Variants in TMIGD1 observed in about 807,000 individuals in gnomAD.
TMIGD1 encodes transmembrane and immunoglobulin domain-containing protein 1.
Under a neutral mutation model 27.5 loss-of-function variants are expected in TMIGD1, and 29 were observed. That is an observed-to-expected ratio of 1.05 (90% confidence interval 0.78 to 1.44). The LOEUF (loss-of-function observed/expected upper bound fraction) is 1.44. Ranked by LOEUF, TMIGD1 falls within the 40% of genes most tolerant of loss-of-function variation. TMIGD1 has a pLI of 0.00. For synonymous variants in TMIGD1, 109 were observed against 110.3 expected (o/e 0.99, Z 0.07); for missense variants, 334 against 310.6 (o/e 1.08, Z -0.57).
At position 30,329,330 on chromosome 17, in the gene TMIGD1, T is replaced by A; in HGVS notation, c.282A>T (p.Glu94Asp). ...AGGTAAAGCTGATTCCGTTGTCATT[T>A]TCACTGATGGAAGAGACACAGACAG... ...SSSVCVSSIS[E>D]NDNGISFTCR... Residue 94 changes from glutamate to aspartate, a missense_variant, in exon 3 of 7, where the codon GAA (glutamate) becomes GAT (aspartate). Physicochemically the swap from Glu to Asp is conservative, Grantham distance 45. Coordinates refer to ENST00000328886, the MANE Select transcript of TMIGD1 (RefSeq NM_206832.3). 1.2e-6 allele frequency: 2 copies of A among 1,614,118 alleles called. No individual in the cohort carries two copies. The highest frequency in any genetic ancestry group is 1.7e-6 in the Non-Finnish European group (2 of 1,180,008).
At chr17:30,320,584 C>T (rs761344813) in intron 4 of TMIGD1, among the ~76,000 whole-genome samples, 7 of 152,108 alleles carry the variant, frequency 4.6e-5, no homozygotes, top group African/African-American at 9.7e-5. Flanking sequence ...TTATTTATAA[C>T]AAAATTCAAA....
chr17:30,332,195 G>T (rs1910003363), intron 1 of TMIGD1, 37 bp from the exon 2 acceptor site: 1 of 1,320,120 alleles, frequency 7.6e-7, no homozygotes, highest in Non-Finnish European at 1.1e-6. Flanking sequence ...TTGTACTTTG[G>T]TCTGCAATGA....
rs1229241015 is a variant in TMIGD1, at chr17:30,329,495, G to C, written c.117C>G (p.Asn39Lys). The C allele has an allele frequency of 1.9e-6, 3 of 1,613,420 alleles. No individual in the cohort carries two copies. Among genetic ancestry groups the C allele is most frequent in the Non-Finnish European group, 2.5e-6 (3 of 1,179,572 alleles). ...AGCCAGGTGTAGTATCCAGGATATA[G>C]TTCTCAGTTTTACCATTCACAGTTA... ...SVLTVNGKTE[N>K]YILDTTPGSQ... Residue 39 changes from asparagine to lysine, a missense_variant, in exon 3 of 7, where the codon AAC becomes AAG. Transcript: ENST00000328886.
intron 3 of TMIGD1, among the ~76,000 whole-genome samples, chr17:30,325,391 G>T (rs1191961009): frequency 6.6e-6 from 1 of 152,124 alleles, no homozygotes; most frequent in Non-Finnish European, 1.5e-5. Flanking sequence ...CTACCCAAGA[G>T]TATAAGCCTT....
chr17:30,316,622 G>A lies in TMIGD1; in HGVS notation c.*65C>T. ...TAATAATAGCAATAAATACAGATGG[G>A]ACTACATAAATTGTGGAGGTCCTGA... On this transcript the variant is annotated 3_prime_UTR_variant, in exon 7 of 7. Coordinates refer to ENST00000328886, the MANE Select transcript of TMIGD1 (RefSeq NM_206832.3). The A allele has an allele frequency of 6.5e-7, 1 of 1,533,504 alleles. No homozygotes were observed. Among genetic ancestry groups the A allele is most frequent in the South Asian group, 1.1e-5 (1 of 87,920 alleles). 95.0% of individuals were successfully genotyped at this position (1,533,504 alleles called of 1,614,324 possible). A position where few individuals can be genotyped will look rare whatever the true frequency, so the allele number is the denominator to read the frequency against.
At chr17:30,320,673 G>T (rs964387265) in intron 4 of TMIGD1, among the ~76,000 whole-genome samples, 2 of 152,056 alleles carry the variant, frequency 1.3e-5, no homozygotes, top group African/African-American at 4.8e-5. Context: ...TAATATCTTT[G>T]ATATGATATG....
intron 1 of TMIGD1, among the ~76,000 whole-genome samples, chr17:30,333,334 G>T (rs899985157): frequency 6.6e-6 from 1 of 151,704 alleles, no homozygotes; most frequent in East Asian, 1.9e-4. Flanking sequence ...CCAGCTACTC[G>T]GGAGGCTGAG....
chr17:30,318,935 G>C, intron 4 of TMIGD1, 22 bp from the exon 5 acceptor site: 1 of 1,536,758 alleles, frequency 6.5e-7, no homozygotes, highest in Non-Finnish European at 9.0e-7. Flanking sequence ...GCAAACACAG[G>C]GAATAAGAAT....
At chr17:30,324,485 G>A (rs906497004) in intron 4 of TMIGD1, among the ~76,000 whole-genome samples, 1 of 152,074 alleles carries the variant, frequency 6.6e-6, no homozygotes, top group African/African-American at 2.4e-5. Context: ...ATGAAGCTGT[G>A]AACTCAAAAG....
chr17:30,323,030 G>A (rs550621105), intron 4 of TMIGD1, among the ~76,000 whole-genome samples: 21 of 151,734 alleles, frequency 1.4e-4, no homozygotes, highest in Non-Finnish European at 2.8e-4. Context: ...TTGATTAGCT[G>A]GTTCTGATGG....
intron 4 of TMIGD1, among the ~76,000 whole-genome samples, chr17:30,319,261 A>AAAAAAAATATATATATATATATATAT: frequency 2.0e-4 from 14 of 69,028 alleles, no homozygotes; most frequent in African/African-American, 1.3e-3. Flanking sequence ...AAAAAAAAAA[A>AAAAAAAATATATATATATATATATAT]ATATATATAT....
In TMIGD1 at chr17:30,324,857, G is replaced by C. The variant is rs1597682893; in HGVS notation, c.599C>G (p.Ser200Cys). ...AAAGTCCAAGCTCTCCGTTTTCAGA[G>C]ATGACTTTGCAATACAACTGTAGGT... ...NGTYSCIAKS[S>C]LKTESLDFHL... Residue 200 changes from serine (S) to cysteine (C), a missense_variant, in exon 4 of 7, where the codon TCT (serine) becomes TGT (cysteine). Ser to Cys is a moderately radical substitution (Grantham distance 112). Transcript: ENST00000328886. 2 of 1,614,034 alleles carry C rather than the reference G, an allele frequency of 1.2e-6. No homozygotes were observed. Among genetic ancestry groups the C allele is most frequent in the African/African-American group, 2.7e-5 (2 of 74,934 alleles).
Position 30,316,407 on chromosome 17 carries a change from C to A in TMIGD1, c.*280G>T. 7.3e-6 allele frequency: 2 copies of A among 273,634 alleles called. No individual in the cohort carries two copies. The highest frequency in any genetic ancestry group is 7.0e-5 in the East Asian group (1 of 14,368). 17.0% of individuals were successfully genotyped at this position (273,634 alleles called of 1,614,324 possible). ...CTACCTAGAAAAAAAACACACTAAA[C>A]AGTAAATGATTACCAACCTATTTGG... On this transcript the variant is annotated 3_prime_UTR_variant, in exon 7 of 7. Transcript: ENST00000328886.
Position 30,326,450 on chromosome 17 carries a change from A to G in TMIGD1, c.362-1356T>C, listed in dbSNP as rs377612355. Among the ~76,000 whole-genome samples the G allele has an allele frequency of 1.1e-3, 173 of 152,252 alleles. 4 individuals are homozygous for G. In the South Asian group the frequency reaches 0.034, roughly 30 times the overall value. On this transcript the variant is annotated intron_variant, in intron 3 of 6. Coordinates refer to ENST00000328886, the MANE Select transcript of TMIGD1 (RefSeq NM_206832.3). ...TTTTCTTAAATAGTTTTCTATACAT[A>G]TAGTGTACCCATAGGAAATATATCA...
intron 4 of TMIGD1, among the ~76,000 whole-genome samples, chr17:30,319,595 A>C (rs1266084828): frequency 6.6e-6 from 1 of 151,994 alleles, no homozygotes; most frequent in Non-Finnish European, 1.5e-5. Flanking sequence ...CACACAGAGC[A>C]GAAGTAGATT....
intron 2 of TMIGD1, among the ~76,000 whole-genome samples, chr17:30,330,717 T>C (rs764445345): frequency 1.3e-5 from 2 of 152,264 alleles, no homozygotes; most frequent in Non-Finnish European, 2.9e-5. Flanking sequence ...TGTTTTGTTT[T>C]GTTTTTCAGC....
At chr17:30,319,261 A>AAAAAAAAAAAAAAAAAATAT in intron 4 of TMIGD1, among the ~76,000 whole-genome samples, 1 of 69,062 alleles carries the variant, frequency 1.4e-5, no homozygotes, top group Non-Finnish European at 2.6e-5. Context: ...AAAAAAAAAA[A>AAAAAAAAAAAAAAAAAATAT]ATATATATAT....
intron 4 of TMIGD1, among the ~76,000 whole-genome samples, chr17:30,319,528 T>C (rs991403496): frequency 1.3e-4 from 19 of 150,264 alleles, no homozygotes; most frequent in Admixed American, 1.2e-3. Flanking sequence ...GTAATATGAG[T>C]AACTCCCCTA....
chr17:30,318,884 T>G lies in TMIGD1; in HGVS notation c.670A>C (p.Ile224Leu). ...AAGATCACAACACATGCAGCAATAA[T>G]GGGCTCTATTGGTACACCCACAGTT... ...DKTVGVPIEP[I>L]IAACVVIFLT... Residue 224 changes from isoleucine to leucine, a missense_variant, in exon 5 of 7, where the codon ATT (isoleucine) becomes CTT (leucine). By Grantham distance (5) the Ile-to-Leu change is conservative (BLOSUM62 2). Coordinates refer to ENST00000328886, the MANE Select transcript of TMIGD1 (RefSeq NM_206832.3). 1.2e-6 allele frequency: 2 copies of G among 1,613,828 alleles called. No homozygotes were observed. The highest frequency in any genetic ancestry group is 1.1e-5 in the South Asian group (1 of 91,074).
Sources: allele counts gnomAD v4.1 joint callset (sites outside exome capture counted in the v4.1 genomes callset), GRCh38; gene constraint gnomAD v4.1.1; transcripts MANE v1.5; gene names NCBI Gene and HGNC (gene_info 2026-07-23, HGNC 2026-07-21).